PIP5K1B: variants seen among roughly 807,000 people sequenced by gnomAD.
PIP5K1B encodes the protein phosphatidylinositol-4-phosphate 5-kinase type 1 beta, also known as phosphatidylinositol 4-phosphate 5-kinase type-1 beta.
A neutral mutation model predicts 67.0 loss-of-function variants in PIP5K1B; 42 were observed. That is an observed-to-expected ratio of 0.63 (90% CI 0.49 to 0.81). The LOEUF is 0.81. Ranked by LOEUF, PIP5K1B falls within the 30% of genes least tolerant of loss-of-function variation. PIP5K1B has a pLI of 0.00. For synonymous variants in PIP5K1B, 214 were observed against 231.4 expected (o/e 0.92, Z 0.68); for missense variants, 459 against 646.3 (o/e 0.71, Z 3.14).
chr9:68,844,609 AT>A (rs1357599606), intron 4 of PIP5K1B, among the ~76,000 whole-genome samples: 1 of 66,610 alleles, frequency 1.5e-5, no homozygotes, highest in East Asian at 3.6e-4. Context: ...GGGAGATCCA[AT>A]GGGGGAGATC....
At chr9:68,705,978 C>G (rs1207140500) in intron 1 of PIP5K1B, 1 of 152,204 alleles carries the variant, frequency 6.6e-6, no homozygotes, top group Non-Finnish European at 1.5e-5. Flanking sequence ...CAACGGACAC[C>G]CACCCGCTCG....
chr9:68,820,068 GT>G (rs749800975), intron 3 of PIP5K1B, among the ~76,000 whole-genome samples: 3 of 152,114 alleles, frequency 2.0e-5, no homozygotes, highest in Non-Finnish European at 2.9e-5. Context: ...CATTAAGGTT[GT>G]TTTTTTAAGC....
chr9:68,759,374 C>T (rs554077914), intron 2 of PIP5K1B, among the ~76,000 whole-genome samples: 307 of 152,144 alleles, frequency 2.0e-3, no homozygotes, highest in African/African-American at 7.0e-3. Context: ...GTAAGATACT[C>T]TTAAGTAGAC....
chr9:68,823,807 T>C (rs1564163038), intron 4 of PIP5K1B, among the ~76,000 whole-genome samples: 1 of 152,222 alleles, frequency 6.6e-6, no homozygotes, highest in Non-Finnish European at 1.5e-5. Context: ...AGTCATAAAG[T>C]ACATGAGCTA....
intron 1 of PIP5K1B, among the ~76,000 whole-genome samples, chr9:68,726,909 A>T (rs1023012715): frequency 8.6e-5 from 13 of 151,436 alleles, no homozygotes; most frequent in Non-Finnish European, 1.6e-4. Context: ...GCATCTTTTC[A>T]TGTGCCTATT....
intron 12 of PIP5K1B, among the ~76,000 whole-genome samples, chr9:68,933,227 A>G (rs1827091811): frequency 6.6e-6 from 1 of 152,178 alleles, no homozygotes; most frequent in Non-Finnish European, 1.5e-5. Flanking sequence ...ACCTTGGCAC[A>G]TGTATACCTA....
chr9:68,971,068 G>A (rs1233146663), intron 14 of PIP5K1B, among the ~76,000 whole-genome samples: 1 of 152,036 alleles, frequency 6.6e-6, no homozygotes, highest in Non-Finnish European at 1.5e-5. Flanking sequence ...TTGTTACATA[G>A]GTATACATGT....
At chr9:68,972,324 C>T (rs1256007451) in intron 14 of PIP5K1B, among the ~76,000 whole-genome samples, 5 of 152,150 alleles carry the variant, frequency 3.3e-5, no homozygotes, top group Admixed American at 2.6e-4. Context: ...TCTGAGGCCT[C>T]TGTTCTGTTC....
At chr9:68,912,168 T>G (rs1330684720) in intron 8 of PIP5K1B, among the ~76,000 whole-genome samples, 1 of 152,226 alleles carries the variant, frequency 6.6e-6, no homozygotes, top group East Asian at 1.9e-4. Flanking sequence ...CACAGCTCTC[T>G]GATTTTTCCC....
chr9:69,001,756 CAT>C lies in PIP5K1B; in HGVS notation c.1621-6690_1621-6689del, dbSNP rs369597465. 9.9e-5 allele frequency among the ~76,000 whole-genome samples: 15 copies of C among 152,234 alleles called. No individual in the cohort carries two copies. In the East Asian group the frequency reaches 2.9e-3, roughly 29 times the overall value. ...CCAACACATGGGGATTACAATTTGA[CAT>C]GAGATTTGGGTAGGGACACAGAGCC... On this transcript the variant is annotated intron_variant, in intron 15 of 15. Coordinates refer to ENST00000265382, the MANE Select transcript of PIP5K1B (RefSeq NM_003558.4).
chr9:68,843,956 G>T (rs147580291), intron 4 of PIP5K1B, among the ~76,000 whole-genome samples: 1 of 152,220 alleles, frequency 6.6e-6, no homozygotes, highest in Non-Finnish European at 1.5e-5. Flanking sequence ...GACAGGCAGA[G>T]GTTGTTAGAG....
rs73646772 is a variant in PIP5K1B at position 68,851,107 on chromosome 9, A to G, written c.70-12730A>G. Among the ~76,000 whole-genome samples the G allele has an allele frequency of 1.6e-3, 241 of 152,320 alleles. 1 individual carries two copies. Among genetic ancestry groups the G allele is most frequent in the African/African-American group, 5.4e-3 (226 of 41,574 alleles). On this transcript the variant is annotated intron_variant, in intron 4 of 15. Coordinates refer to ENST00000265382, the MANE Select transcript of PIP5K1B (RefSeq NM_003558.4). ...TGTTAATGAGGAGTGTTTACTTAAC[A>G]TGCTCTTCCTTTCCAATGAGGGAAC...
chr9:68,820,543 T>C (rs1287220454), intron 3 of PIP5K1B, among the ~76,000 whole-genome samples: 1 of 152,150 alleles, frequency 6.6e-6, no homozygotes, highest in Non-Finnish European at 1.5e-5. Context: ...CATGGCAGTG[T>C]GGGTAAACTC....
intron 5 of PIP5K1B, 125 bp downstream of exon 5, chr9:68,864,092 C>A: frequency 1.2e-6 from 1 of 837,022 alleles, no homozygotes; most frequent in Non-Finnish European, 1.9e-6. Context: ...GGGCCTTTGG[C>A]AGGGCCAAAG....
chr9:68,886,444 G>C (rs62566870), intron 6 of PIP5K1B, among the ~76,000 whole-genome samples: 9,180 of 152,202 alleles, frequency 0.06, 352 homozygotes, highest in Non-Finnish European at 0.092. Flanking sequence ...GAAATTTCTT[G>C]AGTACCAACC....
chr9:68,924,039 A>T (rs1427530307), intron 12 of PIP5K1B, among the ~76,000 whole-genome samples: 1 of 151,772 alleles, frequency 6.6e-6, no homozygotes, highest in Non-Finnish European at 1.5e-5. Context: ...GAAAACAAAC[A>T]TACCAAAAAT....
At chr9:68,977,526 AAAAG>A (rs947878297) in intron 14 of PIP5K1B, among the ~76,000 whole-genome samples, 1 of 152,238 alleles carries the variant, frequency 6.6e-6, no homozygotes, top group African/African-American at 2.4e-5. Context: ...TTGTCTCAAA[AAAAG>A]AAAGAGAAAT....
intron 5 of PIP5K1B, among the ~76,000 whole-genome samples, chr9:68,875,977 G>C (rs146856971): frequency 6.6e-6 from 1 of 152,034 alleles, no homozygotes; most frequent in South Asian, 2.1e-4. Context: ...TCAACTGTAT[G>C]GATAATGTTT....
intron 2 of PIP5K1B, among the ~76,000 whole-genome samples, chr9:68,794,616 C>T (rs1832183790): frequency 6.6e-6 from 1 of 151,700 alleles, no homozygotes; most frequent in Non-Finnish European, 1.5e-5. Context: ...TAGTTCCACA[C>T]CCATGACACA....
Sources: allele counts gnomAD v4.1 joint callset (sites outside exome capture counted in the v4.1 genomes callset), GRCh38; gene constraint gnomAD v4.1.1; transcripts MANE v1.5; gene names NCBI Gene and HGNC (gene_info 2026-07-23, HGNC 2026-07-21).